Variants in MCU observed in about 807,000 individuals in gnomAD.
MCU encodes calcium uniporter protein, mitochondrial.
A neutral mutation model predicts 45.2 loss-of-function variants in MCU; 12 were observed. The ratio of observed to expected loss-of-function variants is 0.27; its 90% confidence interval spans 0.17 to 0.43. The LOEUF (loss-of-function observed/expected upper bound fraction) is 0.43, where lower values mean the gene tolerates loss of function less well. Ranked by LOEUF, MCU falls within the 20% of genes least tolerant of loss-of-function variation. The pLI is 1.00. For missense variants in MCU, 324 were observed against 436.7 expected, an observed-to-expected ratio of 0.74 and a Z score of 2.30; for synonymous variants, 160 against 165.1, an observed-to-expected ratio of 0.97 and a Z score of 0.24.
In MCU at chr10:72,810,718, C is replaced by T. The variant is rs181918860; in HGVS notation, c.151-23641C>T. 6.6e-3 allele frequency among the ~76,000 whole-genome samples: 1,002 copies of T among 152,022 alleles called. 16 individuals carry two copies. The highest frequency in any genetic ancestry group is 0.023 in the African/African-American group (961 of 41,440). Reference sequence around the variant, plus strand: ...CTATGTTGGCCAGGCTGGTCTTGAACTCCTGACCTCAGGTGATCTACCTGC... The same window carrying T: ...CTATGTTGGCCAGGCTGGTCTTGAATTCCTGACCTCAGGTGATCTACCTGC... On this transcript the variant is annotated intron_variant, in intron 1 of 7. Coordinates refer to ENST00000373053, the MANE Select transcript of MCU (RefSeq NM_138357.3).
chr10:72,858,271 A>G (rs1845323504), intron 2 of MCU, among the ~76,000 whole-genome samples: 1 of 152,196 alleles, frequency 6.6e-6, no homozygotes, highest in African/African-American at 2.4e-5. Flanking sequence ...ATGCCCCTTC[A>G]TGGGTCCCGT....
chr10:72,709,270 G>A (rs1011554059), intron 1 of MCU, among the ~76,000 whole-genome samples: 12 of 152,272 alleles, frequency 7.9e-5, no homozygotes, highest in Non-Finnish European at 1.2e-4. Context: ...GATAGCTGCC[G>A]TGAAGCAGGG....
chr10:72,848,941 T>C (rs1845163699), intron 2 of MCU, among the ~76,000 whole-genome samples: 2 of 152,050 alleles, frequency 1.3e-5, no homozygotes, highest in South Asian at 4.2e-4. Context: ...TGGACTAAAA[T>C]GGTGGTAGTG....
At chr10:72,732,050 C>T (rs1008727662) in intron 1 of MCU, among the ~76,000 whole-genome samples, 3 of 152,120 alleles carry the variant, frequency 2.0e-5, no homozygotes, top group Non-Finnish European at 4.4e-5. Flanking sequence ...GTGGCTCTAC[C>T]GTTTTTTAAT....
At chr10:72,700,267 G>A (rs1842743739) in intron 1 of MCU, among the ~76,000 whole-genome samples, 1 of 151,980 alleles carries the variant, frequency 6.6e-6, no homozygotes, top group Admixed American at 6.6e-5. Flanking sequence ...CGCCATGTTG[G>A]CCAGGCTGGT....
At chr10:72,737,682 G>C (rs1589438221) in intron 1 of MCU, among the ~76,000 whole-genome samples, 1 of 151,966 alleles carries the variant, frequency 6.6e-6, no homozygotes, top group African/African-American at 2.4e-5. Flanking sequence ...ACTATGCCTG[G>C]CTAGTTTTTG....
At chr10:72,737,026 G>A (rs1360664434) in intron 1 of MCU, among the ~76,000 whole-genome samples, 1 of 152,218 alleles carries the variant, frequency 6.6e-6, no homozygotes, top group Non-Finnish European at 1.5e-5. Context: ...AGTCTTGTTA[G>A]TGAAGCGTGT....
intron 1 of MCU, among the ~76,000 whole-genome samples, chr10:72,775,128 T>C (rs1843871175): frequency 1.3e-5 from 2 of 152,178 alleles, no homozygotes; most frequent in South Asian, 2.1e-4. Flanking sequence ...TTTTCTAGAA[T>C]AGAGTCTCCC....
intron 1 of MCU, among the ~76,000 whole-genome samples, chr10:72,830,493 G>A (rs1564569014): frequency 6.6e-6 from 1 of 152,198 alleles, no homozygotes. Context: ...GGCTGTAGAT[G>A]AACTGAATTT....
At chr10:72,876,382 AT>A (rs1845616576) in intron 6 of MCU, among the ~76,000 whole-genome samples, 1 of 152,090 alleles carries the variant, frequency 6.6e-6, no homozygotes, top group Non-Finnish European at 1.5e-5. Flanking sequence ...CTGTGTTGCC[AT>A]TCTCTTCTTA....
In MCU at chr10:72,823,121, AT is replaced by A. The variant is rs1430675501; in HGVS notation, c.151-11236del. ...AAAAGTGGAAACAACCCAAATGGTC[AT>A]TGACTGATGAGTGGATAAACAAAAT... is the stretch of plus-strand genomic sequence containing the variant. On this transcript the variant is annotated intron_variant, in intron 1 of 7. Coordinates refer to ENST00000373053, the MANE Select transcript of MCU (RefSeq NM_138357.3). 2.0e-5 allele frequency among the ~76,000 whole-genome samples: 3 copies of A among 152,234 alleles called. No individual in the cohort carries two copies. The East Asian group carries it at 5.8e-4, about 29-fold the overall frequency.
rs374457845 is a variant in MCU, at chr10:72,844,469, T to C, written c.220+10041T>C. On this transcript the variant is annotated intron_variant, in intron 2 of 7. Coordinates refer to ENST00000373053, the MANE Select transcript of MCU (RefSeq NM_138357.3). ...CTGTAGTTGTAGCTACTCAGGAGGC[T>C]GAGGCAGGAGGATCTCTTAAACCTG... 7.2e-5 allele frequency among the ~76,000 whole-genome samples: 11 copies of C among 152,122 alleles called. 1 individual carries two copies. In the East Asian group the frequency reaches 1.7e-3, roughly 24 times the overall value.
intron 1 of MCU, among the ~76,000 whole-genome samples, chr10:72,784,656 A>G (rs1844045212): frequency 1.3e-5 from 2 of 152,126 alleles, no homozygotes; most frequent in Admixed American, 6.5e-5. Flanking sequence ...CTGTGCAGGG[A>G]GTCAAGGGAA....
At chr10:72,751,306 A>T (rs1843491344) in intron 1 of MCU, among the ~76,000 whole-genome samples, 1 of 143,148 alleles carries the variant, frequency 7.0e-6, no homozygotes, top group Non-Finnish European at 1.5e-5. Context: ...CCCAGCCTCA[A>T]ATGGTTTTTT....
At chr10:72,774,690 A>AAGGG (rs1429461734) in intron 1 of MCU, among the ~76,000 whole-genome samples, 1 of 152,154 alleles carries the variant, frequency 6.6e-6, no homozygotes, top group Admixed American at 6.5e-5. Flanking sequence ...GCTGAAAGTG[A>AAGGG]AGGGTGGAAT....
chr10:72,773,691 C>T (rs1843846634), intron 1 of MCU, among the ~76,000 whole-genome samples: 1 of 152,024 alleles, frequency 6.6e-6, no homozygotes, highest in African/African-American at 2.4e-5. Flanking sequence ...AATAAACTCT[C>T]AAAAGTTAAG....
intron 1 of MCU, among the ~76,000 whole-genome samples, chr10:72,797,463 T>C (rs1329303615): frequency 6.6e-6 from 1 of 151,542 alleles, no homozygotes; most frequent in Non-Finnish European, 1.5e-5. Flanking sequence ...TGGCCTCAAG[T>C]GATCTGCCCA....
At chr10:72,795,496 T>C (rs923503470) in intron 1 of MCU, among the ~76,000 whole-genome samples, 4 of 152,242 alleles carry the variant, frequency 2.6e-5, no homozygotes, top group Admixed American at 2.6e-4. Flanking sequence ...ATACGGTGAT[T>C]TTAAAAATCT....
chr10:72,718,451 A>G (rs1204731136), intron 1 of MCU, among the ~76,000 whole-genome samples: 1 of 152,232 alleles, frequency 6.6e-6, no homozygotes, highest in East Asian at 1.9e-4. Context: ...ATGTGGATCA[A>G]CTATCCTACG....
Sources: gnomAD v4.1 joint callset for allele counts (sites outside exome capture counted in the v4.1 genomes callset) on GRCh38, gnomAD v4.1.1 for gene constraint, MANE v1.5 for transcripts, NCBI Gene and HGNC (gene_info 2026-07-23, HGNC 2026-07-21) for gene names.